The following APBA1 variants were observed in gnomAD, a reference collection of about 807,000 sequenced individuals.
APBA1 encodes amyloid-beta A4 precursor protein-binding family A member 1.
APBA1 carries 55 observed loss-of-function variants against 86.6 expected under a neutral mutation model. The ratio of observed to expected loss-of-function variants is 0.64; its 90% CI spans 0.51 to 0.80. The LOEUF is 0.80. APBA1 is among the 30% of genes least tolerant of loss of function. The probability of loss-of-function intolerance (pLI) is 0.00; values close to 1 mark genes in which losing one functional copy is unlikely to be tolerated. For missense variants in APBA1, 1,090 were observed against 1,183.0 expected, an observed-to-expected ratio of 0.92 and a Z score of 1.15; for synonymous variants, 511 against 493.9, an observed-to-expected ratio of 1.03 and a Z score of -0.46.
intron 1 of APBA1, among the ~76,000 whole-genome samples, chr9:69,628,224 T>A (rs145317600): frequency 6.6e-4 from 101 of 152,184 alleles, no homozygotes; most frequent in African/African-American, 2.3e-3. Flanking sequence ...ACCAACAAAC[T>A]AATGAGCATG....
At chr9:69,496,957 G>C (rs1384865271) in intron 2 of APBA1, among the ~76,000 whole-genome samples, 1 of 146,306 alleles carries the variant, frequency 6.8e-6, no homozygotes, top group Non-Finnish European at 1.5e-5. Context: ...AACTTTTTCA[G>C]TTATTACTCA....
chr9:69,570,977 T>G (rs760704147), intron 1 of APBA1, among the ~76,000 whole-genome samples: 26 of 152,208 alleles, frequency 1.7e-4, no homozygotes, highest in Non-Finnish European at 3.5e-4. Flanking sequence ...TATCACTTCT[T>G]ACATTGACAA....
intron 1 of APBA1, among the ~76,000 whole-genome samples, chr9:69,535,033 C>A (rs1421556835): frequency 6.6e-6 from 1 of 152,198 alleles, no homozygotes; most frequent in African/African-American, 2.4e-5. Flanking sequence ...CTACCTCCCA[C>A]CTGCTGTCAA....
chr9:69,606,246 T>C (rs1822468949), intron 1 of APBA1, among the ~76,000 whole-genome samples: 1 of 152,132 alleles, frequency 6.6e-6, no homozygotes, highest in Non-Finnish European at 1.5e-5. Context: ...CAAATGGCGG[T>C]GCAATGGAGC....
At chr9:69,593,813 C>A (rs534812481) in intron 1 of APBA1, among the ~76,000 whole-genome samples, 4 of 152,076 alleles carry the variant, frequency 2.6e-5, no homozygotes, top group African/African-American at 7.2e-5. Flanking sequence ...AAAAAGGAAA[C>A]CTTTTATTAG....
intron 11 of APBA1, among the ~76,000 whole-genome samples, chr9:69,439,833 T>C (rs955887123): frequency 2.0e-5 from 3 of 152,348 alleles, no homozygotes; most frequent in African/African-American, 7.2e-5. Context: ...TAAGGAGCTG[T>C]GTTCCTTTGC....
intron 1 of APBA1, among the ~76,000 whole-genome samples, chr9:69,551,654 A>C (rs1836787595): frequency 6.6e-6 from 1 of 152,122 alleles, no homozygotes. Context: ...TGCCAATATT[A>C]CATGATTTTA....
At chr9:69,449,341 T>C (rs905075733) in intron 10 of APBA1, among the ~76,000 whole-genome samples, 2 of 152,166 alleles carry the variant, frequency 1.3e-5, no homozygotes, top group Admixed American at 6.5e-5. Flanking sequence ...CATGCTGCTA[T>C]CAGAAAGTAG....
At chr9:69,544,574 A>G (rs1203782370) in intron 1 of APBA1, among the ~76,000 whole-genome samples, 1 of 152,208 alleles carries the variant, frequency 6.6e-6, no homozygotes, top group Non-Finnish European at 1.5e-5. Context: ...CTTTTAGTCC[A>G]TACCTAACCT....
At chr9:69,470,120 C>T (rs1835343346) in intron 4 of APBA1, among the ~76,000 whole-genome samples, 1 of 152,076 alleles carries the variant, frequency 6.6e-6, no homozygotes, top group Non-Finnish European at 1.5e-5. Context: ...ACCTAAACAC[C>T]TTTTGAGATA....
chr9:69,495,922 G>C (rs1404740604), intron 2 of APBA1, among the ~76,000 whole-genome samples: 1 of 152,078 alleles, frequency 6.6e-6, no homozygotes, highest in Non-Finnish European at 1.5e-5. Flanking sequence ...CCTTTACCGA[G>C]GGCCTGAGAC....
intron 5 of APBA1, chr9:69,461,027 G>A (rs1441135102): frequency 6.6e-6 from 1 of 152,118 alleles, no homozygotes; most frequent in Non-Finnish European, 1.5e-5. Context: ...CACTGTGCCT[G>A]GCCCGAAACA....
At chr9:69,482,924 T>A (rs1835540352) in intron 2 of APBA1, among the ~76,000 whole-genome samples, 1 of 129,900 alleles carries the variant, frequency 7.7e-6, no homozygotes, top group South Asian at 2.4e-4. Flanking sequence ...AACAATGAGA[T>A]CGCATGGACA....
intron 1 of APBA1, among the ~76,000 whole-genome samples, chr9:69,528,856 C>G (rs1358624327): frequency 6.6e-6 from 1 of 151,908 alleles, no homozygotes; most frequent in Non-Finnish European, 1.5e-5. Flanking sequence ...ATTCACACTG[C>G]CAAAGGAGAT....
At chr9:69,556,566 T>G (rs889229117) in intron 1 of APBA1, among the ~76,000 whole-genome samples, 2 of 152,196 alleles carry the variant, frequency 1.3e-5, no homozygotes, top group African/African-American at 4.8e-5. Flanking sequence ...GTTAGCACTT[T>G]TAGAAAAACA....
intron 3 of APBA1, 117 bp from the exon 4 acceptor site, chr9:69,471,812 G>A (rs566973404): frequency 2.5e-6 from 2 of 809,304 alleles, no homozygotes; most frequent in East Asian, 2.6e-5. Context: ...ACCAATTATT[G>A]ATCATTTTTA....
At chr9:69,662,175 GC>G (rs1198361938) in intron 1 of APBA1, among the ~76,000 whole-genome samples, 1 of 152,054 alleles carries the variant, frequency 6.6e-6, no homozygotes, top group Non-Finnish European at 1.5e-5. Flanking sequence ...AACTGTCTGG[GC>G]CCATTCCTGT....
chr9:69,541,225 C>T (rs533282213), intron 1 of APBA1, among the ~76,000 whole-genome samples: 16 of 150,362 alleles, frequency 1.1e-4, no homozygotes, highest in African/African-American at 3.7e-4. Context: ...GATCATAAGG[C>T]AGTTCTATTT....
chr9:69,629,339 C>T (rs1342143252), intron 1 of APBA1, among the ~76,000 whole-genome samples: 1 of 152,070 alleles, frequency 6.6e-6, no homozygotes, highest in Admixed American at 6.5e-5. Flanking sequence ...ATTATATATG[C>T]TACAGGTTTA....
Sources: gnomAD v4.1 joint callset for allele counts (sites outside exome capture counted in the v4.1 genomes callset) on GRCh38, gnomAD v4.1.1 for gene constraint, MANE v1.5 for transcripts, NCBI Gene and HGNC (gene_info 2026-07-23, HGNC 2026-07-21) for gene names.